STARD9: variants seen among roughly 807,000 people sequenced by gnomAD.
STARD9 encodes the protein stAR-related lipid transfer protein 9.
A neutral mutation model predicts 399.8 loss-of-function variants in STARD9; 346 were observed. The ratio of observed to expected loss-of-function variants is 0.87; its 90% CI spans 0.79 to 0.95. STARD9 has a LOEUF of 0.95. STARD9 is among the 40% of genes least tolerant of loss of function. The pLI is 0.00. For synonymous variants in STARD9, 2,203 were observed against 2,143.5 expected (o/e 1.03, Z -0.77); for missense variants, 5,832 against 5,667.5 (o/e 1.03, Z -0.93).
intron 3 of STARD9, 46 bp from the exon 4 acceptor site, chr15:42,634,810 G>A (rs1165859761): frequency 1.1e-6 from 1 of 909,042 alleles, no homozygotes. Context: ...AATCTGCTAT[G>A]AGAAGAAGGA....
At chr15:42,575,876 C>G in intron 1 of STARD9, 114 bp downstream of exon 1, 2 of 1,161,154 alleles carry the variant, frequency 1.7e-6, no homozygotes, top group South Asian at 2.7e-5. Flanking sequence ...CAAAGTGACC[C>G]GGGGGGTCGG....
chr15:42,673,588 G>A (rs1252152524), intron 16 of STARD9, among the ~76,000 whole-genome samples: 1 of 152,108 alleles, frequency 6.6e-6, no homozygotes, highest in East Asian at 1.9e-4. Context: ...ATAAAAAGGA[G>A]ATGTTAATAC....
intron 1 of STARD9, among the ~76,000 whole-genome samples, chr15:42,581,829 C>T (rs2058178927): frequency 1.3e-5 from 2 of 152,068 alleles, no homozygotes; most frequent in Non-Finnish European, 1.5e-5. Context: ...TTCCTCAGAC[C>T]CCTGTGCTTG....
chr15:42,703,694 TCA>T (rs2061017072), intron 26 of STARD9, among the ~76,000 whole-genome samples: 1 of 152,078 alleles, frequency 6.6e-6, no homozygotes, highest in Non-Finnish European at 1.5e-5. Flanking sequence ...TTTGACACTA[TCA>T]CACAGATTCT....
Position 42,686,064 on chromosome 15 carries a change from T to G in STARD9, c.4486T>G (p.Ser1496Ala). ...ALQQKYLLELSCPVLEAIGAP... is the reference protein window; with the variant it reads ...ALQQKYLLELACPVLEAIGAP... Reference sequence around the variant, plus strand: ...TCAGCAGAAGTACCTCCTTGAACTCTCTTGTCCTGTTTTGGAGGCCATAGG... The same window carrying G: ...TCAGCAGAAGTACCTCCTTGAACTCGCTTGTCCTGTTTTGGAGGCCATAGG... Residue 1496 changes from serine to alanine, a missense_variant, in exon 23 of 33, where the codon TCT becomes GCT. Ser to Ala is a moderately conservative substitution (Grantham distance 99). This residue lies in a region of STARD9 where 5,828 missense variants were observed against 5,651.1 expected (regional missense o/e 1.03). Transcript: ENST00000290607. 6.5e-7 allele frequency: 1 copy of G among 1,537,246 alleles called. No individual in the cohort carries two copies. The highest frequency in any genetic ancestry group is 2.4e-5 in the East Asian group (1 of 40,910).
At position 42,634,841 on chromosome 15, in the gene STARD9, C is replaced by T; in HGVS notation, c.235-15C>T. On this transcript the variant is annotated splice_polypyrimidine_tract_variant and intron_variant, in intron 3 of 32. Transcript: ENST00000290607. ...AAGGACCACAGTGATATTTCCTCTG[C>T]TTTTGTTGTTACAGGTTTTCCAGGA... 2 of 1,394,610 alleles carry T rather than the reference C, an allele frequency of 1.4e-6. No homozygotes were observed. Among genetic ancestry groups the T allele is most frequent in the African/African-American group, 1.4e-5 (1 of 70,216 alleles). 86.4% of individuals were successfully genotyped at this position (1,394,610 alleles called of 1,614,324 possible).
In STARD9 at chr15:42,674,894, A is replaced by G. The variant is rs553857429; in HGVS notation, c.1617A>G (p.Leu539=). The change falls in exon 18 of 33, where the codon CTA becomes CTG. Residue 539 remains leucine (L), a synonymous_variant. Coordinates refer to ENST00000290607, the MANE Select transcript of STARD9 (RefSeq NM_020759.3). ...TITSACGVVV[L]RPARGARCTV... ...CCAGTGCCTGTGGTGTAGTTGTTCT[A>G]CGACCTGCCCGTGGGGCCCGCTGTA... is the stretch of plus-strand genomic sequence containing the variant. The G allele has an allele frequency of 1.1e-5, 17 of 1,537,048 alleles. No individual in the cohort carries two copies. In the African/African-American group the frequency reaches 1.2e-4, roughly 11 times the overall value.
chr15:42,662,562 A>G (rs1405048069), intron 10 of STARD9, among the ~76,000 whole-genome samples: 2 of 152,220 alleles, frequency 1.3e-5, no homozygotes, highest in Non-Finnish European at 2.9e-5. Flanking sequence ...TGACAGTCAA[A>G]ATAAAAACAG....
rs73406561 is a variant in STARD9 at position 42,581,595 on chromosome 15, C to A, written c.48-1751C>A. The A allele has an allele frequency of 9.7e-3, 7,277 of 751,274 alleles. 303 individuals carry two copies. In the African/African-American group the frequency reaches 0.1, roughly 10 times the overall value. The allele number at this position is 751,274 out of a possible 1,614,324, so 46.5% of individuals were successfully genotyped here. On this transcript the variant is annotated intron_variant, in intron 1 of 32. Transcript: ENST00000290607. ...GGAAAAGCGAGCTCTGCGCACTCCT[C>A]GCTCGCTTCCTCTAGTTCCCTCGTC...
chr15:42,681,532 A>G lies in STARD9; in HGVS notation c.1985A>G (p.His662Arg). The change falls in exon 21 of 33, where the codon CAT (histidine) becomes CGT (arginine). Residue 662 changes from histidine (H) to arginine (R), a missense_variant. His to Arg is a conservative substitution (Grantham distance 29). This residue lies in a region of STARD9 where 5,828 missense variants were observed against 5,651.1 expected (regional missense o/e 1.03). Coordinates refer to ENST00000290607, the MANE Select transcript of STARD9 (RefSeq NM_020759.3). Reference sequence around the variant, plus strand: ...CAGAGCTACGTAGAGGATTTGAGGCATCAAATCCTAGCAGAAGAGATTCGA... The same window carrying G: ...CAGAGCTACGTAGAGGATTTGAGGCGTCAAATCCTAGCAGAAGAGATTCGA... ...QQQSYVEDLR[H>R]QILAEEIRAA... 6.5e-7 allele frequency: 1 copy of G among 1,537,166 alleles called. No individual in the cohort carries two copies. Among genetic ancestry groups the G allele is most frequent in the Non-Finnish European group, 8.7e-7 (1 of 1,146,814 alleles).
At position 42,627,430 on chromosome 15, in the gene STARD9, CCTTT is replaced by C. The variant is rs571240829; in HGVS notation, c.235-7421_235-7418del. Among the ~76,000 whole-genome samples, 27 of 152,262 alleles carry C rather than the reference CCTTT, an allele frequency of 1.8e-4. No individual in the cohort carries two copies. The East Asian group carries it at 4.8e-3, about 27-fold the overall frequency. On this transcript the variant is annotated intron_variant, in intron 3 of 32. Transcript: ENST00000290607. ...GATATCCATCACCTCAAGCATTTAT[CCTTT>C]CTTTATGTTACAAACATTCCCGTTA...
At chr15:42,596,292 T>C (rs1442155243) in intron 3 of STARD9, among the ~76,000 whole-genome samples, 1 of 152,220 alleles carries the variant, frequency 6.6e-6, no homozygotes, top group African/African-American at 2.4e-5. Flanking sequence ...TACCCCATTT[T>C]TCTCTTGCTT....
At chr15:42,635,192 G>A (rs1263834611) in intron 4 of STARD9, among the ~76,000 whole-genome samples, 3 of 151,272 alleles carry the variant, frequency 2.0e-5, no homozygotes, top group Admixed American at 6.6e-5. Flanking sequence ...CCCGGGAGGC[G>A]GAGCTTGCTG....
chr15:42,664,011 C>G, intron 13 of STARD9, 94 bp downstream of exon 13: 1 of 816,480 alleles, frequency 1.2e-6, no homozygotes, highest in South Asian at 1.5e-5. Flanking sequence ...TTGTACTCAC[C>G]TCAACTTTCC....
intron 32 of STARD9, 46 bp from the exon 33 acceptor site, chr15:42,719,425 TTC>T (rs2061411910): frequency 8.0e-7 from 1 of 1,251,298 alleles, no homozygotes; most frequent in Non-Finnish European, 1.1e-6. Context: ...ACGCCTGGCA[TTC>T]TCTCAAATCT....
intron 30 of STARD9, 127 bp from the exon 31 acceptor site, chr15:42,718,308 T>C: frequency 8.2e-7 from 1 of 1,214,392 alleles, no homozygotes; most frequent in Non-Finnish European, 1.2e-6. Context: ...GTTACCTTGA[T>C]TGCTCAGCCT....
intron 2 of STARD9, among the ~76,000 whole-genome samples, chr15:42,584,886 T>C (rs2058243862): frequency 6.6e-6 from 1 of 152,204 alleles, no homozygotes; most frequent in Non-Finnish European, 1.5e-5. Context: ...AACGTCTTAA[T>C]TTGAAAATTT....
chr15:42,704,746 G>A (rs1216013953), intron 26 of STARD9, among the ~76,000 whole-genome samples: 1 of 152,174 alleles, frequency 6.6e-6, no homozygotes, highest in Non-Finnish European at 1.5e-5. Flanking sequence ...CTTGGTACTG[G>A]GTTCCAAGGA....
intron 3 of STARD9, among the ~76,000 whole-genome samples, chr15:42,627,511 A>C (rs1194661304): frequency 6.6e-6 from 1 of 152,138 alleles, no homozygotes; most frequent in African/African-American, 2.4e-5. Context: ...GGCTGTAGTA[A>C]TCACGTTATG....
Sources: gnomAD v4.1 joint callset for allele counts (sites outside exome capture counted in the v4.1 genomes callset) on GRCh38, gnomAD v4.1.1 for gene constraint, gnomAD v4.1.1 regional missense constraint, MANE v1.5 for transcripts, NCBI Gene and HGNC (gene_info 2026-07-23, HGNC 2026-07-21) for gene names.